The following EHBP1 variants were observed in gnomAD, a reference collection of about 807,000 sequenced individuals.
The protein encoded by EHBP1 is EH domain-binding protein 1.
A neutral mutation model predicts 144.0 loss-of-function variants in EHBP1; 55 were observed. That is an observed-to-expected ratio of 0.38 (90% confidence interval 0.31 to 0.48). The LOEUF (loss-of-function observed/expected upper bound fraction) is 0.48, where lower values mean the gene tolerates loss of function less well. Among genes scored for constraint, EHBP1 ranks in the 20% least tolerant of loss-of-function variants. The pLI is 0.98. For synonymous variants in EHBP1, 469 were observed against 472.7 expected (o/e 0.99, Z 0.10); for missense variants, 1,200 against 1,364.2 (o/e 0.88, Z 1.90).
At chr2:62,853,607 C>T (rs954925832) in intron 7 of EHBP1, among the ~76,000 whole-genome samples, 6 of 152,168 alleles carry the variant, frequency 3.9e-5, no homozygotes, top group Non-Finnish European at 8.8e-5. Context: ...AATTCTTAAT[C>T]GTATCTAGAA....
chr2:62,757,074 C>T (rs560921671), intron 3 of EHBP1, among the ~76,000 whole-genome samples: 1 of 152,240 alleles, frequency 6.6e-6, no homozygotes, highest in African/African-American at 2.4e-5. Flanking sequence ...ACGTTACTTG[C>T]TGCTAAGTAC....
chr2:62,931,337 C>T (rs1296475684), intron 10 of EHBP1, among the ~76,000 whole-genome samples: 1 of 152,110 alleles, frequency 6.6e-6, no homozygotes, highest in East Asian at 1.9e-4. Context: ...ATCTCACACC[C>T]ATTAGGATGG....
chr2:62,713,408 G>T (rs2035352843), intron 2 of EHBP1, among the ~76,000 whole-genome samples: 1 of 151,754 alleles, frequency 6.6e-6, no homozygotes, highest in African/African-American at 2.4e-5. Flanking sequence ...TGTCTGGCTA[G>T]TTTTTTTGTA....
At chr2:62,963,919 T>C (rs920006692) in intron 14 of EHBP1, among the ~76,000 whole-genome samples, 4 of 152,180 alleles carry the variant, frequency 2.6e-5, no homozygotes, top group Non-Finnish European at 4.4e-5. Context: ...TTCAGACCAG[T>C]GAGACACTTT....
At chr2:62,733,998 G>A (rs1478653173) in intron 2 of EHBP1, among the ~76,000 whole-genome samples, 5 of 152,140 alleles carry the variant, frequency 3.3e-5, no homozygotes, top group African/African-American at 1.2e-4. Context: ...AATTCTCTGA[G>A]GAATCTAAGA....
intron 10 of EHBP1, among the ~76,000 whole-genome samples, chr2:62,894,881 G>A (rs1037324250): frequency 6.6e-6 from 1 of 150,858 alleles, no homozygotes; most frequent in Non-Finnish European, 1.5e-5. Flanking sequence ...TTGCCCCACT[G>A]CACTGTAGTC....
intron 14 of EHBP1, 104 bp from the exon 15 acceptor site, chr2:62,979,084 G>T: frequency 8.5e-7 from 1 of 1,171,770 alleles, no homozygotes; most frequent in South Asian, 1.9e-5. Flanking sequence ...TATAATGTGG[G>T]CCAAGCACCA....
At chr2:62,718,137 A>G (rs1402552818) in intron 2 of EHBP1, among the ~76,000 whole-genome samples, 2 of 152,180 alleles carry the variant, frequency 1.3e-5, no homozygotes, top group African/African-American at 2.4e-5. Flanking sequence ...TAAATAAGAT[A>G]ATGTTTATGT....
chr2:62,908,957 A>C (rs762713676), intron 10 of EHBP1, among the ~76,000 whole-genome samples: 5 of 152,194 alleles, frequency 3.3e-5, no homozygotes, highest in Non-Finnish European at 5.9e-5. Context: ...GTCTTAATAC[A>C]TTTTTGTGGA....
In EHBP1 at chr2:62,831,177, A is replaced by G; in HGVS notation, c.634+19A>G. The stretch of plus-strand genomic sequence containing the variant: ...ATTACAGGTTGGTTTTATTAGCATT[A>G]AACTAAAAGTTTATCTTTTGTTGCA... On this transcript the variant is annotated intron_variant, in intron 7 of 22. Coordinates refer to ENST00000431489, the MANE Select transcript of EHBP1 (RefSeq NM_001142616.3). 6.4e-7 allele frequency: 1 copy of G among 1,573,690 alleles called. No individual in the cohort carries two copies. Among genetic ancestry groups the G allele is most frequent in the Non-Finnish European group, 8.6e-7 (1 of 1,166,766 alleles).
intron 14 of EHBP1, among the ~76,000 whole-genome samples, chr2:62,962,198 C>T (rs371094617): frequency 4.3e-4 from 65 of 152,140 alleles, no homozygotes; most frequent in African/African-American, 1.0e-3. Context: ...CGGTGGCTCA[C>T]GCCTCTAGTC....
At chr2:62,957,176 G>T (rs2057744968) in intron 14 of EHBP1, among the ~76,000 whole-genome samples, 1 of 152,110 alleles carries the variant, frequency 6.6e-6, no homozygotes, top group Middle Eastern at 3.2e-3. Flanking sequence ...TTCTAGGAAT[G>T]CAAGATTGTT....
chr2:62,779,747 A>G (rs2042298790), intron 5 of EHBP1, among the ~76,000 whole-genome samples: 1 of 152,216 alleles, frequency 6.6e-6, no homozygotes, highest in South Asian at 2.1e-4. Context: ...CTTTCATACA[A>G]ATGTAGCAAT....
intron 19 of EHBP1, among the ~76,000 whole-genome samples, chr2:63,014,445 A>G (rs2153257108): frequency 6.6e-6 from 1 of 152,372 alleles, no homozygotes; most frequent in East Asian, 1.9e-4. Flanking sequence ...TTTAGGGCAT[A>G]AATAACAACA....
chr2:62,693,341 C>T (rs1015598038), intron 1 of EHBP1, among the ~76,000 whole-genome samples: 2 of 152,020 alleles, frequency 1.3e-5, no homozygotes, highest in Admixed American at 1.3e-4. Flanking sequence ...GAGATCTCTC[C>T]AATATACTGA....
chr2:62,846,582 A>T (rs1190343137), intron 7 of EHBP1, among the ~76,000 whole-genome samples: 1 of 152,210 alleles, frequency 6.6e-6, no homozygotes, highest in East Asian at 1.9e-4. Context: ...GATTGGGAAC[A>T]AGGCAAGGAT....
chr2:62,982,127 G>A (rs925256070), intron 15 of EHBP1, among the ~76,000 whole-genome samples: 2 of 152,160 alleles, frequency 1.3e-5, no homozygotes, highest in Admixed American at 1.3e-4. Context: ...TGAGAGTTGT[G>A]TAGAGAACTT....
intron 16 of EHBP1, among the ~76,000 whole-genome samples, chr2:62,993,225 G>T (rs1266478931): frequency 6.6e-6 from 1 of 152,122 alleles, no homozygotes; most frequent in East Asian, 1.9e-4. Context: ...AGTCTGTGGG[G>T]CTGTACAAAC....
chr2:62,946,853 A>G (rs1160089368), intron 12 of EHBP1, among the ~76,000 whole-genome samples: 2 of 152,200 alleles, frequency 1.3e-5, no homozygotes, highest in Non-Finnish European at 2.9e-5. Flanking sequence ...ATGAATTGCT[A>G]CATGAAGCAA....
Sources: allele counts gnomAD v4.1 joint callset (sites outside exome capture counted in the v4.1 genomes callset), GRCh38; gene constraint gnomAD v4.1.1; transcripts MANE v1.5; gene names NCBI Gene and HGNC (gene_info 2026-07-23, HGNC 2026-07-21).